The following ITIH5 variants were observed in gnomAD, a reference collection of about 807,000 sequenced individuals.
ITIH5 encodes the protein inter-alpha-trypsin inhibitor heavy chain 5, also known as inter-alpha-trypsin inhibitor heavy chain H5.
ITIH5 carries 65 observed loss-of-function variants against 77.5 expected under a neutral mutation model. That is an observed-to-expected ratio of 0.84 (90% CI 0.69 to 1.03). ITIH5 has a LOEUF of 1.03. Among genes scored for constraint, ITIH5 ranks in the 50% least tolerant of loss-of-function variants. The pLI is 0.00. For synonymous variants in ITIH5, 525 were observed against 494.3 expected (o/e 1.06, Z -0.82); for missense variants, 1,208 against 1,213.1 (o/e 1.00, Z 0.06).
intron 13 of ITIH5, among the ~76,000 whole-genome samples, chr10:7,564,754 T>C (rs749923243): frequency 6.6e-6 from 1 of 151,562 alleles, no homozygotes; most frequent in Non-Finnish European, 1.5e-5. Context: ...AATATGTACA[T>C]ACATACACAG....
intron 1 of ITIH5, among the ~76,000 whole-genome samples, chr10:7,661,602 G>A (rs568960248): frequency 1.4e-4 from 21 of 151,510 alleles, no homozygotes; most frequent in Non-Finnish European, 2.6e-4. Flanking sequence ...AGTTTGTTTA[G>A]CTATTAATCA....
Position 7,560,070 on chromosome 10 carries a change from T to A in ITIH5, c.*3013A>T, listed in dbSNP as rs1832013364. On this transcript the variant is annotated 3_prime_UTR_variant, in exon 14 of 14. Transcript: ENST00000397146. ...TTTCACCATGTTGGCCAGGATGGTC[T>A]CCATCTCCTGACCTCATGATCCACC... 1 of 326,456 alleles carries A rather than the reference T, an allele frequency of 3.1e-6. No homozygotes were observed. The highest frequency in any genetic ancestry group is 5.9e-6 in the Non-Finnish European group (1 of 168,294). 20.2% of individuals were successfully genotyped at this position (326,456 alleles called of 1,614,324 possible). A position where few individuals can be genotyped will look rare whatever the true frequency, so the allele number is the denominator to read the frequency against.
At chr10:7,563,988 C>G (rs75435177) in intron 13 of ITIH5, among the ~76,000 whole-genome samples, 231 of 152,402 alleles carry the variant, frequency 1.5e-3, no homozygotes, top group African/African-American at 5.2e-3. Context: ...ATGGCTTGCT[C>G]TTTATTTTTG....
intron 12 of ITIH5, among the ~76,000 whole-genome samples, chr10:7,568,658 AAG>A (rs1832234659): frequency 6.6e-6 from 1 of 152,184 alleles, no homozygotes; most frequent in African/African-American, 2.4e-5. Flanking sequence ...CCAACATTCC[AAG>A]ACACGTTCTC....
chr10:7,619,609 A>G, intron 5 of ITIH5: 1 of 396,208 alleles, frequency 2.5e-6, no homozygotes. Flanking sequence ...AAGCCTCGGG[A>G]AACTTACAAT....
chr10:7,620,273 A>G (rs982114600), intron 5 of ITIH5: 7 of 152,232 alleles, frequency 4.6e-5, no homozygotes, highest in Non-Finnish European at 7.3e-5. Flanking sequence ...AATAAAAACA[A>G]AAGAACTAAT....
In ITIH5 at chr10:7,634,401, G is replaced by A. The variant is rs555021987; in HGVS notation, c.652+2827C>T. Reference sequence around the variant, plus strand: ...CTGAGCTCTGAAAGACGGGAGTGGGGAGCAGCAAAAAGGGAATCCGTCCAC... The same window carrying A: ...CTGAGCTCTGAAAGACGGGAGTGGGAAGCAGCAAAAAGGGAATCCGTCCAC... On this transcript the variant is annotated intron_variant, in intron 5 of 13. Coordinates refer to ENST00000397146, the MANE Select transcript of ITIH5 (RefSeq NM_030569.7). Among the ~76,000 whole-genome samples the A allele has an allele frequency of 2.3e-3, 356 of 152,302 alleles. 3 individuals carry two copies. Among genetic ancestry groups the A allele is most frequent in the African/African-American group, 8.4e-3 (350 of 41,568 alleles).
Position 7,655,651 on chromosome 10 carries a change from C to T in ITIH5, c.115G>A (p.Val39Ile), listed in dbSNP as rs1564282973. The T allele has an allele frequency of 1.2e-6, 2 of 1,613,116 alleles. No individual in the cohort carries two copies. Among genetic ancestry groups the T allele is most frequent in the Admixed American group, 1.7e-5 (1 of 60,004 alleles). The part of the protein sequence containing the change: ...EQDGLRVPRQ[V>I]RLLQRLKTKP... ...CCTACCAGCCTCTGCAACAGTCTGA[C>T]TTGCCTCGGGACCCTGAGTCCATCC... Residue 39 changes from valine (V) to isoleucine (I), a missense_variant, in exon 2 of 14, where the codon GTC (valine) becomes ATC (isoleucine). By Grantham distance (29) the Val-to-Ile change is conservative. Coordinates refer to ENST00000397146, the MANE Select transcript of ITIH5 (RefSeq NM_030569.7).
chr10:7,613,465 C>T (rs922574997), intron 7 of ITIH5, among the ~76,000 whole-genome samples: 1 of 151,902 alleles, frequency 6.6e-6, no homozygotes, highest in African/African-American at 2.4e-5. Context: ...GTTTGGATTT[C>T]GCAGACACAG....
In ITIH5 at chr10:7,560,821, G is replaced by A. The variant is rs1832027353; in HGVS notation, c.*2262C>T. 2 of 152,028 alleles carry A rather than the reference G, an allele frequency of 1.3e-5. No homozygotes were observed. The highest frequency in any genetic ancestry group is 2.9e-5 in the Non-Finnish European group (2 of 68,024). The allele number at this position is 152,028 out of a possible 1,614,324, so 9.4% of individuals were successfully genotyped here. A position where few individuals can be genotyped will look rare whatever the true frequency, so the allele number is the denominator to read the frequency against. On this transcript the variant is annotated 3_prime_UTR_variant, in exon 14 of 14. Transcript: ENST00000397146. Reference sequence around the variant, plus strand: ...AATGATTGCCCAGATGGTGAAACAGGGTCAAAGCAAACAAAATGATTCTGG... The same window carrying A: ...AATGATTGCCCAGATGGTGAAACAGAGTCAAAGCAAACAAAATGATTCTGG...
chr10:7,617,452 A>G (rs956467709), intron 5 of ITIH5, 170 bp from the exon 6 acceptor site: 3 of 454,916 alleles, frequency 6.6e-6, no homozygotes. Flanking sequence ...TTATGTCATC[A>G]TATAGTTTCC....
intron 5 of ITIH5, 102 bp downstream of exon 5, chr10:7,637,126 T>C: frequency 7.2e-7 from 1 of 1,386,506 alleles, no homozygotes; most frequent in South Asian, 1.4e-5. Context: ...GCAAAGGCTT[T>C]GCTGAAGGGA....
rs976200179 is a variant in ITIH5, at chr10:7,560,271, T to C, written c.*2812A>G. Reference sequence around the variant, plus strand: ...CATTCAGGATTTAAGCTTCAACATATGAATTTGGGGAAGACATATACACTC... The same window carrying C: ...CATTCAGGATTTAAGCTTCAACATACGAATTTGGGGAAGACATATACACTC... On this transcript the variant is annotated 3_prime_UTR_variant, in exon 14 of 14. Transcript: ENST00000397146. 1.9e-5 allele frequency: 3 copies of C among 158,216 alleles called. No individual in the cohort carries two copies. The highest frequency in any genetic ancestry group is 1.3e-4 in the Admixed American group (2 of 15,786). The allele number at this position is 158,216 out of a possible 1,614,324, so 9.8% of individuals were successfully genotyped here.
intron 2 of ITIH5, among the ~76,000 whole-genome samples, chr10:7,644,108 C>T (rs1833930257): frequency 6.6e-6 from 1 of 151,998 alleles, no homozygotes; most frequent in Non-Finnish European, 1.5e-5. Flanking sequence ...TGTGGTGGTG[C>T]ATGACTGTAG....
intron 7 of ITIH5, among the ~76,000 whole-genome samples, chr10:7,608,142 G>A (rs145106207): frequency 5.5e-4 from 83 of 152,292 alleles, no homozygotes; most frequent in African/African-American, 1.6e-3. Flanking sequence ...CTTTCTGAGC[G>A]CCTTCATTTG....
chr10:7,663,755 T>C (rs2131120368), intron 1 of ITIH5, among the ~76,000 whole-genome samples: 1 of 152,332 alleles, frequency 6.6e-6, no homozygotes, highest in East Asian at 1.9e-4. Context: ...GTTAAGTGAC[T>C]TGCCCAGGTA....
At chr10:7,567,322 A>T (rs1047494242) in intron 12 of ITIH5, among the ~76,000 whole-genome samples, 3 of 134,262 alleles carry the variant, frequency 2.2e-5, no homozygotes, top group African/African-American at 6.5e-5. Context: ...GACATCTTTT[A>T]TTATTATTAT....
At chr10:7,592,027 T>C (rs1300760940) in intron 7 of ITIH5, among the ~76,000 whole-genome samples, 13 of 152,070 alleles carry the variant, frequency 8.5e-5, no homozygotes, top group Admixed American at 8.5e-4. Flanking sequence ...CACGTCACCA[T>C]GCCCAGCTGA....
intron 1 of ITIH5, among the ~76,000 whole-genome samples, chr10:7,656,928 G>C (rs984486632): frequency 4.6e-5 from 7 of 151,272 alleles, no homozygotes; most frequent in African/African-American, 1.7e-4. Context: ...ATTTTTAGTA[G>C]AGATGGAGTT....
Sources: gnomAD v4.1 joint callset for allele counts (sites outside exome capture counted in the v4.1 genomes callset) on GRCh38, gnomAD v4.1.1 for gene constraint, MANE v1.5 for transcripts, NCBI Gene and HGNC (gene_info 2026-07-23, HGNC 2026-07-21) for gene names.